Variants in HEATR5A observed in about 807,000 individuals in gnomAD.
The protein encoded by HEATR5A is HEAT repeat-containing protein 5A.
HEATR5A carries 178 observed loss-of-function variants against 218.8 expected under a neutral mutation model. That is an observed-to-expected ratio of 0.81 (90% CI 0.72 to 0.92). The LOEUF is 0.92. Ranked by LOEUF, HEATR5A falls within the 40% of genes least tolerant of loss-of-function variation. The pLI is 0.00. For synonymous variants in HEATR5A, 864 were observed against 871.6 expected (o/e 0.99, Z 0.15); for missense variants, 2,420 against 2,418.9 (o/e 1.00, Z -0.01).
chr14:31,293,189 G>C lies in HEATR5A; in HGVS notation c.*116C>G, dbSNP rs1345722247. 1.4e-6 allele frequency: 1 copy of C among 724,578 alleles called. No homozygotes were observed. Among genetic ancestry groups the C allele is most frequent in the Non-Finnish European group, 2.2e-6 (1 of 445,846 alleles). 44.9% of individuals were successfully genotyped at this position (724,578 alleles called of 1,614,324 possible). ...ACTTTGAAGAGTCACAGCTATTTAA[G>C]GTAAAACAATCAACTAGACCTCTAA... On this transcript the variant is annotated 3_prime_UTR_variant, in exon 36 of 36. Coordinates refer to ENST00000543095, the MANE Select transcript of HEATR5A (RefSeq NM_015473.4).
intron 1 of HEATR5A, among the ~76,000 whole-genome samples, chr14:31,411,856 T>G (rs892943487): frequency 1.3e-5 from 2 of 152,114 alleles, no homozygotes; most frequent in Admixed American, 1.3e-4. Context: ...TATTATAAAA[T>G]GATTTCTTTC....
chr14:31,376,073 A>G (rs1186417301), intron 11 of HEATR5A, among the ~76,000 whole-genome samples: 1 of 152,200 alleles, frequency 6.6e-6, no homozygotes, highest in East Asian at 1.9e-4. Flanking sequence ...GCCTAGATTA[A>G]TATCCTGGCT....
rs978826095 is a variant in HEATR5A, at chr14:31,347,804, A to G, written c.2812T>C (p.Ser938Pro). The change falls in exon 19 of 36, where the codon TCT becomes CCT. Residue 938 changes from serine (S) to proline (P), a missense_variant. Ser to Pro is a moderately conservative substitution (Grantham distance 74). Coordinates refer to ENST00000543095, the MANE Select transcript of HEATR5A (RefSeq NM_015473.4). ...AAAGTATAAAGGATTCCAATACAAG[A>G]ATTTAGGTGTTGAGAAGAACTTATT... ...GGISSSQHLN[S>P]CIGILYTLAQ... is the part of the protein sequence containing the mutation. The G allele has an allele frequency of 1.9e-6, 3 of 1,611,662 alleles. No individual in the cohort carries two copies. In the African/African-American group the frequency reaches 4.0e-5, roughly 22 times the overall value.
At chr14:31,381,576 A>G (rs2139273749) in intron 10 of HEATR5A, among the ~76,000 whole-genome samples, 1 of 151,106 alleles carries the variant, frequency 6.6e-6, no homozygotes, top group Non-Finnish European at 1.5e-5. Flanking sequence ...AAAAAAAAAA[A>G]AAAAAGGACC....
chr14:31,322,287 G>A (rs1334419460), intron 24 of HEATR5A, among the ~76,000 whole-genome samples: 1 of 152,092 alleles, frequency 6.6e-6, no homozygotes, highest in Non-Finnish European at 1.5e-5. Flanking sequence ...AAGAAATCAC[G>A]TCTTAGTAAA....
Position 31,358,823 on chromosome 14 carries a change from A to G in HEATR5A, c.2236-11T>C. 1 of 1,612,694 alleles carries G rather than the reference A, an allele frequency of 6.2e-7. No homozygotes were observed. Among genetic ancestry groups the G allele is most frequent in the Non-Finnish European group, 8.5e-7 (1 of 1,179,524 alleles). On this transcript the variant is annotated splice_polypyrimidine_tract_variant and intron_variant, in intron 15 of 35. Coordinates refer to ENST00000543095, the MANE Select transcript of HEATR5A (RefSeq NM_015473.4). ...ATTACCAAGCAGGAGCTAAAAGGGA[A>G]AAAAAGTATATAAGGTTTTAAAATC...
chr14:31,297,229 T>G (rs1482578860), intron 33 of HEATR5A: 1 of 152,340 alleles, frequency 6.6e-6, no homozygotes, highest in Non-Finnish European at 1.5e-5. Context: ...GAGGTTGCAG[T>G]GAGCCAAGAT....
At chr14:31,400,722 C>T (rs2030840434) in intron 2 of HEATR5A, among the ~76,000 whole-genome samples, 1 of 152,120 alleles carries the variant, frequency 6.6e-6, no homozygotes, top group Admixed American at 6.5e-5. Context: ...TAAAAAAGCC[C>T]TCCAAAAATT....
chr14:31,414,729 C>G (rs1242726077), intron 1 of HEATR5A, among the ~76,000 whole-genome samples: 1 of 152,184 alleles, frequency 6.6e-6, no homozygotes, highest in Non-Finnish European at 1.5e-5. Context: ...TCCCTCTCCT[C>G]TAATTGTTCA....
At chr14:31,380,919 CAAAA>C (rs943168295) in intron 10 of HEATR5A, among the ~76,000 whole-genome samples, 1 of 151,936 alleles carries the variant, frequency 6.6e-6, no homozygotes, top group Non-Finnish European at 1.5e-5. Flanking sequence ...CATAATTATC[CAAAA>C]AAAGTTTTCT....
chr14:31,333,411 C>T (rs1048679984), intron 22 of HEATR5A, among the ~76,000 whole-genome samples: 3 of 151,924 alleles, frequency 2.0e-5, no homozygotes, highest in Non-Finnish European at 4.4e-5. Context: ...ATCATCACAT[C>T]CGGCTAATTT....
intron 1 of HEATR5A, among the ~76,000 whole-genome samples, chr14:31,406,113 C>G (rs1376128996): frequency 6.6e-6 from 1 of 152,156 alleles, no homozygotes; most frequent in African/African-American, 2.4e-5. Context: ...TGAAGTCTTA[C>G]CTCATCAGGA....
At chr14:31,332,000 G>A (rs1900489395) in intron 22 of HEATR5A, among the ~76,000 whole-genome samples, 2 of 152,178 alleles carry the variant, frequency 1.3e-5, no homozygotes, top group Admixed American at 1.3e-4. Context: ...CTTGGGAAAT[G>A]CAAACTTAAG....
At chr14:31,358,018 C>T (rs1158535575) in intron 16 of HEATR5A, among the ~76,000 whole-genome samples, 1 of 152,162 alleles carries the variant, frequency 6.6e-6, no homozygotes, top group Non-Finnish European at 1.5e-5. Context: ...ATTAGATTCT[C>T]ACAGGAGTGT....
intron 16 of HEATR5A, among the ~76,000 whole-genome samples, chr14:31,353,989 C>T (rs145594957): frequency 0.02 from 2,963 of 151,932 alleles, 83 homozygotes; most frequent in African/African-American, 0.068. Flanking sequence ...TTAGTAGAGA[C>T]GGGGTTTCAC....
intron 11 of HEATR5A, among the ~76,000 whole-genome samples, chr14:31,376,003 A>G (rs1595152248): frequency 1.3e-5 from 2 of 152,250 alleles, no homozygotes; most frequent in East Asian, 3.9e-4. Context: ...TGCTGACTGT[A>G]TGTCTTTCTT....
chr14:31,402,704 A>C, intron 2 of HEATR5A, 146 bp downstream of exon 2: 2 of 698,656 alleles, frequency 2.9e-6, no homozygotes, highest in Non-Finnish European at 4.3e-6. Context: ...TGAGGGAACA[A>C]AAAATGTAAT....
At chr14:31,416,968 T>C (rs1450030332) in intron 1 of HEATR5A, among the ~76,000 whole-genome samples, 1 of 152,100 alleles carries the variant, frequency 6.6e-6, no homozygotes, top group Non-Finnish European at 1.5e-5. Flanking sequence ...CTGGGCATGG[T>C]GGCATGTGCC....
intron 19 of HEATR5A, among the ~76,000 whole-genome samples, chr14:31,347,129 C>T (rs1566762813): frequency 6.6e-6 from 1 of 152,188 alleles, no homozygotes; most frequent in African/African-American, 2.4e-5. Context: ...AAAAGAATTA[C>T]TATGAGACTT....
Sources: gnomAD v4.1 joint callset for allele counts (sites outside exome capture counted in the v4.1 genomes callset) on GRCh38, gnomAD v4.1.1 for gene constraint, MANE v1.5 for transcripts, NCBI Gene and HGNC (gene_info 2026-07-23, HGNC 2026-07-21) for gene names.